SPEN: variants seen among roughly 807,000 people sequenced by gnomAD.
SPEN encodes the protein spen family transcriptional repressor.
A neutral mutation model predicts 269.9 loss-of-function variants in SPEN; 18 were observed. That is an observed-to-expected ratio of 0.07 (90% CI 0.05 to 0.10). The LOEUF (loss-of-function observed/expected upper bound fraction) is 0.10. Among genes scored for constraint, SPEN ranks in the 10% least tolerant of loss-of-function variants. The probability of loss-of-function intolerance (pLI) is 1.00; values close to 1 mark genes in which losing one functional copy is unlikely to be tolerated. For synonymous variants in SPEN, 1,726 were observed against 1,765.7 expected (o/e 0.98, Z 0.56); for missense variants, 3,822 against 4,631.2 (o/e 0.83, Z 5.07).
intron 1 of SPEN, among the ~76,000 whole-genome samples, chr1:15,851,985 GA>G (rs34064569): frequency 1.1e-4 from 16 of 150,268 alleles, no homozygotes; most frequent in African/African-American, 3.9e-4. Flanking sequence ...TCCGTCTGGG[GA>G]AAAAAAAAGA....
rs147743285 is a variant in SPEN at position 15,916,228 on chromosome 1, C to T, written c.1344C>T (p.Thr448=). The change falls in exon 6 of 15, where the codon ACC becomes ACT. Residue 448 remains threonine, a synonymous_variant. Transcript: ENST00000375759. ...RTLFIGNLEK[T]TTYHDLRNIF... Reference sequence around the variant, plus strand: ...TCTTTATTGGCAACCTTGAAAAAACCACTACTTACCATGACCTTCGCAACA... The same window carrying T: ...TCTTTATTGGCAACCTTGAAAAAACTACTACTTACCATGACCTTCGCAACA... 1 of 1,613,878 alleles carries T rather than the reference C, an allele frequency of 6.2e-7. No homozygotes were observed. Among genetic ancestry groups the T allele is most frequent in the Non-Finnish European group, 8.5e-7 (1 of 1,179,902 alleles).
Position 15,873,033 on chromosome 1 carries a change from A to G in SPEN, c.301A>G (p.Ser101Gly), listed in dbSNP as rs181125105. The stretch of plus-strand genomic sequence containing the variant: ...TGATACAGTTTCCATAGCATCTCGT[A>G]GTAGAGAGGTTTCTGGGTTCAGAGG... The part of the protein sequence containing the change: ...LDDTVSIASR[S>G]REVSGFRGGG... The change falls in exon 2 of 15, where the codon AGT becomes GGT. Residue 101 changes from serine to glycine, a missense_variant. By Grantham distance (56) the Ser-to-Gly change is moderately conservative (BLOSUM62 0). This residue lies in a region of SPEN where 327 missense variants were observed against 350.8 expected (regional missense o/e 0.93). Coordinates refer to ENST00000375759, the MANE Select transcript of SPEN (RefSeq NM_015001.3). The G allele has an allele frequency of 8.1e-6, 13 of 1,614,176 alleles. No individual in the cohort carries two copies. In the Admixed American group the frequency reaches 1.7e-4, roughly 21 times the overall value.
chr1:15,933,912 A>G lies in SPEN; in HGVS notation c.7672A>G (p.Ile2558Val). The G allele has an allele frequency of 1.2e-6, 2 of 1,614,060 alleles. No individual in the cohort carries two copies. Among genetic ancestry groups the G allele is most frequent in the Non-Finnish European group, 1.7e-6 (2 of 1,180,028 alleles). ...CACTTCCACAAGTGTCACCACAGCC[A>G]TTGCAGAGCCTGTCAGTGCTGCCCC... Reference protein sequence around the residue: ...SVTSTSVTTAIAEPVSAAPCL... With the variant: ...SVTSTSVTTAVAEPVSAAPCL... Residue 2558 changes from isoleucine to valine, a missense_variant, in exon 11 of 15, where the codon ATT (isoleucine) becomes GTT (valine). By Grantham distance (29) the Ile-to-Val change is conservative (BLOSUM62 3). Transcript: ENST00000375759. This position sits in a 1 kb window ranked among gnomAD's most constrained non-coding sequence, Gnocchi z 5.7.
At chr1:15,875,855 T>A (rs1039989919) in intron 2 of SPEN, among the ~76,000 whole-genome samples, 1 of 152,158 alleles carries the variant, frequency 6.6e-6, no homozygotes, top group Non-Finnish European at 1.5e-5. Context: ...GTGTAAAAAC[T>A]TTCATATTAT....
chr1:15,858,598 G>C (rs555737044), intron 1 of SPEN, among the ~76,000 whole-genome samples: 111 of 152,278 alleles, frequency 7.3e-4, no homozygotes, highest in African/African-American at 2.5e-3. Context: ...ATGTATCCCT[G>C]TTCTTAAGTG....
chr1:15,906,794 T>TTTTTTTA (rs2070961742), intron 3 of SPEN, among the ~76,000 whole-genome samples: 1 of 130,562 alleles, frequency 7.7e-6, no homozygotes, highest in Non-Finnish European at 1.6e-5. Flanking sequence ...TTTTTTTTTT[T>TTTTTTTA]GAGACAGAGT....
At chr1:15,850,316 G>C (rs1364766600) in intron 1 of SPEN, among the ~76,000 whole-genome samples, 5 of 152,126 alleles carry the variant, frequency 3.3e-5, no homozygotes, top group Non-Finnish European at 7.4e-5. Context: ...ACCTATTGCA[G>C]AGTAAAAGCA....
Position 15,935,177 on chromosome 1 carries a change from G to T in SPEN, c.8937G>T (p.Gly2979=). 1 of 1,613,946 alleles carries T rather than the reference G, an allele frequency of 6.2e-7. No homozygotes were observed. The highest frequency in any genetic ancestry group is 1.7e-5 in the Admixed American group (1 of 60,006). ...ETKVLQPANL[G]STLTPHHPPA... is the part of the protein sequence containing the mutation. ...AGGTCCTTCAGCCGGCCAACCTGGGGTCCACGCTCACGCCCCACCACCCTC... is the reference window on the plus strand; with the variant it reads ...AGGTCCTTCAGCCGGCCAACCTGGGTTCCACGCTCACGCCCCACCACCCTC... Residue 2979 remains glycine (G), a synonymous_variant, in exon 11 of 15, where the codon GGG becomes GGT. Coordinates refer to ENST00000375759, the MANE Select transcript of SPEN (RefSeq NM_015001.3). The surrounding 1 kb of genome is among the most constrained non-coding windows in gnomAD (Gnocchi z 7.7).
In SPEN at chr1:15,921,737, C is replaced by T. The variant is rs9726897; in HGVS notation, c.1750-512C>T. Reference sequence around the variant, plus strand: ...GTGTATGTTTTTAAAAACTTGTATTCATGGTAGTTTGAAGGAATTTATGCA... The same window carrying T: ...GTGTATGTTTTTAAAAACTTGTATTTATGGTAGTTTGAAGGAATTTATGCA... On this transcript the variant is annotated intron_variant, in intron 9 of 14. Transcript: ENST00000375759. Among the ~76,000 whole-genome samples, 1,392 of 152,198 alleles carry T rather than the reference C, an allele frequency of 9.1e-3. 25 individuals are homozygous for T. The highest frequency in any genetic ancestry group is 0.032 in the African/African-American group (1,331 of 41,500).
At chr1:15,902,847 TGTTA>T (rs1383800869) in intron 3 of SPEN, among the ~76,000 whole-genome samples, 2 of 152,182 alleles carry the variant, frequency 1.3e-5, no homozygotes, top group African/African-American at 4.8e-5. Context: ...CCTCTAACTA[TGTTA>T]GTTGCAGTGT....
At chr1:15,923,468 G>A (rs1417287018) in intron 10 of SPEN, among the ~76,000 whole-genome samples, 1 of 152,022 alleles carries the variant, frequency 6.6e-6, no homozygotes, top group Non-Finnish European at 1.5e-5. Flanking sequence ...TGTGAAAAAC[G>A]CCTTTAGACA....
In SPEN at chr1:15,848,252, C is replaced by G. The variant is rs552704761; in HGVS notation, c.83+102C>G. ...CGGAGCGCGGAGCTGGTGAGGAGGA[C>G]TCCGGCCCGGACCCACGGGCGCTGT... On this transcript the variant is annotated intron_variant, in intron 1 of 14. Coordinates refer to ENST00000375759, the MANE Select transcript of SPEN (RefSeq NM_015001.3). This position sits in a 1 kb window ranked among gnomAD's most constrained non-coding sequence, Gnocchi z 5.1. 3.0e-4 allele frequency: 236 copies of G among 783,126 alleles called. 1 individual carries two copies. The African/African-American group carries it at 3.3e-3, about 11-fold the overall frequency. 48.5% of individuals were successfully genotyped at this position (783,126 alleles called of 1,614,324 possible). A position where few individuals can be genotyped will look rare whatever the true frequency, so the allele number is the denominator to read the frequency against.
At chr1:15,936,509 TGTG>T (rs1014601843) in intron 11 of SPEN, among the ~76,000 whole-genome samples, 7 of 150,422 alleles carry the variant, frequency 4.7e-5, no homozygotes, top group African/African-American at 1.7e-4. Flanking sequence ...ATTAGCCAGG[TGTG>T]GTGGCACACA....
At chr1:15,938,584 T>G in intron 13 of SPEN, 134 bp from the exon 14 acceptor site, 3 of 380,388 alleles carry the variant, frequency 7.9e-6, no homozygotes, top group East Asian at 1.0e-4. Flanking sequence ...TTTTTTTTTT[T>G]CATTCAAATA....
chr1:15,874,801 T>C (rs1455283314), intron 2 of SPEN, among the ~76,000 whole-genome samples: 1 of 152,170 alleles, frequency 6.6e-6, no homozygotes, highest in Non-Finnish European at 1.5e-5. Flanking sequence ...ATTTAATACA[T>C]TTAAGTAGGA....
intron 3 of SPEN, among the ~76,000 whole-genome samples, chr1:15,888,093 T>A (rs2070753565): frequency 6.6e-6 from 1 of 151,476 alleles, no homozygotes; most frequent in Admixed American, 6.6e-5. Context: ...AAATAACAAA[T>A]TTTATTTTAT....
chr1:15,855,756 G>A (rs1332222654), intron 1 of SPEN, among the ~76,000 whole-genome samples: 2 of 151,430 alleles, frequency 1.3e-5, no homozygotes, highest in African/African-American at 2.4e-5. Context: ...CCAGCTACTC[G>A]GGAGGCTGAG....
In SPEN at chr1:15,935,277, G is replaced by C; in HGVS notation, c.9037G>C (p.Val3013Leu). The C allele has an allele frequency of 2.5e-6, 4 of 1,614,106 alleles. No individual in the cohort carries two copies. The highest frequency in any genetic ancestry group is 3.4e-6 in the Non-Finnish European group (4 of 1,180,026). Residue 3013 changes from valine (V) to leucine (L), a missense_variant, in exon 11 of 15, where the codon GTC (valine) becomes CTC (leucine). Coordinates refer to ENST00000375759, the MANE Select transcript of SPEN (RefSeq NM_015001.3). The surrounding 1 kb of genome is among the most constrained non-coding windows in gnomAD (Gnocchi z 7.7). ...GCCCAGCATCCCAGCAGATCGAACT[G>C]TCTCCCATTTGGCAGCTGCAAAGCT... ...SGPSIPADRT[V>L]SHLAAAKLDA...
In SPEN at chr1:15,883,572, C is replaced by T. The variant is rs141104531; in HGVS notation, c.881+6894C>T. On this transcript the variant is annotated intron_variant, in intron 3 of 14. Coordinates refer to ENST00000375759, the MANE Select transcript of SPEN (RefSeq NM_015001.3). Reference sequence around the variant, plus strand: ...AGTAGCTGGGACTATAGGCATGCGCCACCACATCTGGCTAATTTTTTGGCT... The same window carrying T: ...AGTAGCTGGGACTATAGGCATGCGCTACCACATCTGGCTAATTTTTTGGCT... Among the ~76,000 whole-genome samples the T allele has an allele frequency of 6.4e-3, 980 of 152,092 alleles. 8 individuals carry two copies. The highest frequency in any genetic ancestry group is 0.02 in the Middle Eastern group (6 of 294).
Sources: gnomAD v4.1 joint callset for allele counts (sites outside exome capture counted in the v4.1 genomes callset) on GRCh38, gnomAD v4.1.1 for gene constraint, gnomAD v4.1.1 regional missense constraint, Gnocchi (gnomAD v3.1) non-coding constraint, MANE v1.5 for transcripts, NCBI Gene and HGNC (gene_info 2026-07-23, HGNC 2026-07-21) for gene names.